The following RBFOX1 variants were observed in gnomAD, a reference collection of about 807,000 sequenced individuals.
RBFOX1 encodes the protein RNA binding protein fox-1 homolog 1.
RBFOX1 carries 8 observed loss-of-function variants against 57.7 expected under a neutral mutation model. That is an observed-to-expected ratio of 0.14 (90% CI 0.08 to 0.25). RBFOX1 has a LOEUF of 0.25. RBFOX1 is among the 10% of genes least tolerant of loss of function. The pLI, the probability that RBFOX1 is intolerant of heterozygous loss-of-function variation, is 1.00. For synonymous variants in RBFOX1, 326 were observed against 222.4 expected (o/e 1.47, Z -4.15); for missense variants, 611 against 548.5 (o/e 1.11, Z -1.14).
intron 3 of RBFOX1, among the ~76,000 whole-genome samples, chr16:5,781,180 T>C (rs1326453003): frequency 6.6e-6 from 1 of 152,176 alleles, no homozygotes; most frequent in Admixed American, 6.5e-5. Flanking sequence ...AAAAGATAGG[T>C]GCTTTTCTGA....
At chr16:6,296,474 G>T (rs569129812) in intron 1 of RBFOX1, among the ~76,000 whole-genome samples, 20 of 151,456 alleles carry the variant, frequency 1.3e-4, no homozygotes, top group Non-Finnish European at 2.6e-4. Flanking sequence ...AGGCCGGAGT[G>T]CAATGGCGGG....
chr16:6,918,052 C>G (rs1344844014), intron 3 of RBFOX1, among the ~76,000 whole-genome samples: 2 of 152,030 alleles, frequency 1.3e-5, no homozygotes, highest in Non-Finnish European at 1.5e-5. Flanking sequence ...TTTGGGAGGT[C>G]GAGGCGGGTG....
intron 2 of RBFOX1, among the ~76,000 whole-genome samples, chr16:6,597,389 C>A (rs934927368): frequency 6.6e-6 from 1 of 151,986 alleles, no homozygotes; most frequent in Admixed American, 6.6e-5. Context: ...AAACCAGGGA[C>A]CCAACCAGGC....
At chr16:5,735,525 TC>T (rs1258360902) in intron 3 of RBFOX1, among the ~76,000 whole-genome samples, 19 of 152,310 alleles carry the variant, frequency 1.2e-4, no homozygotes, top group African/African-American at 4.3e-4. Context: ...TCTTGACCCT[TC>T]TCCTGTTTTG....
chr16:6,303,307 C>T (rs778433919), intron 1 of RBFOX1, among the ~76,000 whole-genome samples: 8 of 151,716 alleles, frequency 5.3e-5, no homozygotes, highest in Non-Finnish European at 1.0e-4. Context: ...TAATAAGGTG[C>T]TCTGGAGTCC....
rs376092993 is a variant in RBFOX1, at chr16:6,646,744, C to T, written c.-63-7859C>T. ...TTTAAAAGTAATCTGTGATTTTCAT[C>T]ACTCCCATATTGAGTTAATCTCCCG... On this transcript the variant is annotated intron_variant, in intron 2 of 15. Transcript: ENST00000550418. Among the ~76,000 whole-genome samples, 5 of 152,132 alleles carry T rather than the reference C, an allele frequency of 3.3e-5. No homozygotes were observed. In the South Asian group the frequency reaches 1.0e-3, roughly 32 times the overall value.
rs900170092 is a variant in RBFOX1, at chr16:7,018,809, C to T, written c.-15-33248C>T. 9.4e-5 allele frequency among the ~76,000 whole-genome samples: 14 copies of T among 149,384 alleles called. 1 individual carries two copies. In the East Asian group the frequency reaches 2.6e-3, roughly 28 times the overall value. On this transcript the variant is annotated intron_variant, in intron 3 of 15. Transcript: ENST00000550418. ...TATTAAAAAAAAAAAAGAAGAAATA[C>T]AACGTCTACAGATTAAAACCCACTC... is the stretch of plus-strand genomic sequence containing the variant.
intron 4 of RBFOX1, among the ~76,000 whole-genome samples, chr16:7,197,474 GA>G (rs1354634822): frequency 4.2e-5 from 6 of 143,380 alleles, no homozygotes; most frequent in African/African-American, 7.7e-5. Flanking sequence ...ATCAAGCTGT[GA>G]TACTGCAGAA....
intron 3 of RBFOX1, among the ~76,000 whole-genome samples, chr16:5,844,421 C>T (rs1254402200): frequency 6.6e-6 from 1 of 152,194 alleles, no homozygotes; most frequent in Non-Finnish European, 1.5e-5. Context: ...AAGTAATTGG[C>T]ATTACATTAT....
chr16:7,223,307 C>T (rs2092866708), intron 4 of RBFOX1, among the ~76,000 whole-genome samples: 2 of 152,154 alleles, frequency 1.3e-5, no homozygotes, highest in South Asian at 2.1e-4. Flanking sequence ...ATTGTCAGAG[C>T]ATGTAAATGA....
intron 2 of RBFOX1, among the ~76,000 whole-genome samples, chr16:6,505,460 C>T (rs2096064382): frequency 6.6e-6 from 1 of 152,124 alleles, no homozygotes; most frequent in African/African-American, 2.4e-5. Context: ...TTTTGGAAAT[C>T]CCAAATAAAA....
At chr16:5,456,049 G>T (rs758816551) in intron 1 of RBFOX1, among the ~76,000 whole-genome samples, 7 of 151,750 alleles carry the variant, frequency 4.6e-5, no homozygotes, top group Non-Finnish European at 7.4e-5. Flanking sequence ...TTGGAAAATG[G>T]AGTAAAATAC....
At chr16:6,556,545 C>G (rs1265005829) in intron 2 of RBFOX1, among the ~76,000 whole-genome samples, 1 of 152,184 alleles carries the variant, frequency 6.6e-6, no homozygotes, top group Non-Finnish European at 1.5e-5. Flanking sequence ...GACGAATCAG[C>G]CATTCACTGG....
intron 4 of RBFOX1, among the ~76,000 whole-genome samples, chr16:5,949,780 C>G (rs1042648790): frequency 2.0e-5 from 3 of 152,180 alleles, no homozygotes; most frequent in African/African-American, 7.2e-5. Context: ...CCCGAATATT[C>G]TTTGGCCTCA....
intron 1 of RBFOX1, among the ~76,000 whole-genome samples, chr16:6,030,049 C>T (rs568806712): frequency 6.6e-6 from 1 of 152,168 alleles, no homozygotes; most frequent in Admixed American, 6.5e-5. Context: ...TAGCCAGGAC[C>T]ACAGGCATGT....
intron 3 of RBFOX1, among the ~76,000 whole-genome samples, chr16:6,828,175 G>C (rs1186008131): frequency 6.6e-6 from 1 of 152,146 alleles, no homozygotes; most frequent in Non-Finnish European, 1.5e-5. Flanking sequence ...CACAGATGGA[G>C]TCTCAGCACT....
At chr16:5,812,268 T>C (rs186143887) in intron 3 of RBFOX1, among the ~76,000 whole-genome samples, 1 of 152,208 alleles carries the variant, frequency 6.6e-6, no homozygotes, top group African/African-American at 2.4e-5. Flanking sequence ...TATACGCCTT[T>C]GGACATGTGC....
At chr16:5,299,282 A>G (rs116489874) in intron 1 of RBFOX1, among the ~76,000 whole-genome samples, 2,884 of 152,030 alleles carry the variant, frequency 0.019, 82 homozygotes, top group African/African-American at 0.065. Flanking sequence ...TTTTTGTCAC[A>G]TCTAGTTGAT....
chr16:7,390,997 C>G (rs936419326), intron 4 of RBFOX1, among the ~76,000 whole-genome samples: 3 of 152,218 alleles, frequency 2.0e-5, no homozygotes, highest in East Asian at 1.9e-4. Context: ...GGTGTGGGGT[C>G]TTCCTTGCTG....
Sources: allele counts gnomAD v4.1 joint callset (sites outside exome capture counted in the v4.1 genomes callset), GRCh38; gene constraint gnomAD v4.1.1; transcripts MANE v1.5; gene names NCBI Gene and HGNC (gene_info 2026-07-23, HGNC 2026-07-21).